DAP: variants seen among roughly 807,000 people sequenced by gnomAD.
The protein encoded by DAP is death-associated protein 1.
Under a neutral mutation model 13.8 loss-of-function variants are expected in DAP, and 8 were observed. The observed-to-expected ratio is 0.58, with a 90% confidence interval of 0.34 to 1.05. The LOEUF (loss-of-function observed/expected upper bound fraction) is 1.05, where lower values mean the gene tolerates loss of function less well. Ranked by LOEUF, DAP falls within the 50% of genes least tolerant of loss-of-function variation. DAP has a pLI of 0.03. For missense variants in DAP, 106 were observed against 133.2 expected (o/e 0.80, Z 1.01); for synonymous variants, 47 against 47.5 (o/e 0.99, Z 0.04).
rs1738636550 is a variant in DAP, at chr5:10,703,798, TG to T, written c.153-20228del. ...GTGGGGGGCACAGGGAGCCTTCCCC[TG>T]GCTGGCTGCCCAAGGACTCCAGGTA... On this transcript the variant is annotated intron_variant, in intron 2 of 3. Coordinates refer to ENST00000230895, the MANE Select transcript of DAP (RefSeq NM_004394.3). 4.6e-5 allele frequency among the ~76,000 whole-genome samples: 7 copies of T among 152,340 alleles called. No individual in the cohort carries two copies. The South Asian group carries it at 1.4e-3, about 32-fold the overall frequency.
At chr5:10,724,900 C>A (rs1394254644) in intron 2 of DAP, among the ~76,000 whole-genome samples, 15 of 150,804 alleles carry the variant, frequency 9.9e-5, no homozygotes. Context: ...GGGGGTGTAG[C>A]TCTCTACTCC....
intron 2 of DAP, among the ~76,000 whole-genome samples, chr5:10,741,559 T>C (rs749796748): frequency 6.6e-6 from 1 of 152,216 alleles, no homozygotes; most frequent in African/African-American, 2.4e-5. Context: ...TATACTGTTG[T>C]AAGTTTCTTA....
At chr5:10,685,105 CTG>C (rs1347844971) in intron 2 of DAP, among the ~76,000 whole-genome samples, 1 of 149,756 alleles carries the variant, frequency 6.7e-6, no homozygotes, top group Non-Finnish European at 1.5e-5. Context: ...AGTTCACTGA[CTG>C]TTTACTTCCC....
chr5:10,729,217 G>A (rs1465699563), intron 2 of DAP, among the ~76,000 whole-genome samples: 4 of 152,188 alleles, frequency 2.6e-5, no homozygotes, highest in African/African-American at 9.7e-5. Context: ...TAGCTACAGA[G>A]GTCATGCTCT....
At chr5:10,682,795 G>A (rs2126632926) in intron 3 of DAP, among the ~76,000 whole-genome samples, 1 of 152,354 alleles carries the variant, frequency 6.6e-6, no homozygotes, top group African/African-American at 2.4e-5. Context: ...GACTCCCACA[G>A]AACTGACTTG....
intron 2 of DAP, among the ~76,000 whole-genome samples, chr5:10,685,794 C>T (rs1210767956): frequency 6.6e-6 from 1 of 152,122 alleles, no homozygotes; most frequent in Non-Finnish European, 1.5e-5. Flanking sequence ...AAAATGTCAT[C>T]CATAGAGAGT....
intron 2 of DAP, among the ~76,000 whole-genome samples, chr5:10,740,500 T>C (rs561495411): frequency 1.2e-4 from 18 of 152,160 alleles, no homozygotes; most frequent in South Asian, 4.2e-4. Context: ...AAACACACTG[T>C]TGAAAAACAG....
At chr5:10,688,341 G>A (rs908950122) in intron 2 of DAP, among the ~76,000 whole-genome samples, 4 of 152,118 alleles carry the variant, frequency 2.6e-5, no homozygotes, top group African/African-American at 9.7e-5. Flanking sequence ...CCTCACTGAA[G>A]GCTCAGATGA....
intron 2 of DAP, among the ~76,000 whole-genome samples, chr5:10,743,852 C>T (rs1309755638): frequency 6.6e-6 from 1 of 152,190 alleles, no homozygotes; most frequent in African/African-American, 2.4e-5. Context: ...GTAACTAGAA[C>T]TCAGGTTGAC....
chr5:10,733,895 T>C (rs1027014106), intron 2 of DAP: 1 of 152,234 alleles, frequency 6.6e-6, no homozygotes, highest in Non-Finnish European at 1.5e-5. Flanking sequence ...ACAGGGCTTA[T>C]CTAGATAAAA....
chr5:10,742,154 A>C (rs1317534392), intron 2 of DAP, among the ~76,000 whole-genome samples: 3 of 152,208 alleles, frequency 2.0e-5, no homozygotes, highest in Non-Finnish European at 4.4e-5. Context: ...TTCTACAAAA[A>C]AGAGCTATCC....
At chr5:10,725,410 T>TCTGAGGCTCCTGCCC (rs1739264771) in intron 2 of DAP, among the ~76,000 whole-genome samples, 1 of 152,142 alleles carries the variant, frequency 6.6e-6, no homozygotes. Context: ...TGTTCCTGGT[T>TCTGAGGCTCCTGCCC]CTGAGGCTCC....
At chr5:10,759,077 C>T (rs9763023) in intron 1 of DAP, among the ~76,000 whole-genome samples, 32,312 of 152,032 alleles carry the variant, frequency 0.21, 3,538 homozygotes, top group Middle Eastern at 0.33. Context: ...AACCCAGCTA[C>T]TCGGGAGGCT....
intron 2 of DAP, among the ~76,000 whole-genome samples, chr5:10,684,162 T>C (rs1236325385): frequency 6.6e-6 from 1 of 152,234 alleles, no homozygotes; most frequent in Non-Finnish European, 1.5e-5. Flanking sequence ...ATTTTAACTA[T>C]GGGCAAGCCC....
intron 2 of DAP, among the ~76,000 whole-genome samples, chr5:10,704,212 A>C (rs1738646754): frequency 6.6e-6 from 1 of 152,234 alleles, no homozygotes; most frequent in Non-Finnish European, 1.5e-5. Context: ...TATAGTGAAC[A>C]GTTCTGGAGG....
intron 2 of DAP, among the ~76,000 whole-genome samples, chr5:10,695,180 C>A (rs1364799024): frequency 2.0e-5 from 3 of 152,328 alleles, no homozygotes; most frequent in Non-Finnish European, 4.4e-5. Flanking sequence ...GTGTGACAGT[C>A]GAGGCTGTCT....
chr5:10,739,201 CAAAAAAAAAAA>C (rs10644743), intron 2 of DAP, among the ~76,000 whole-genome samples: 2 of 71,604 alleles, frequency 2.8e-5, no homozygotes, highest in Non-Finnish European at 4.9e-5. Context: ...GACTCTGAAT[CAAAAAAAAAAA>C]AAAAAAAAAA....
At chr5:10,716,405 T>A (rs1223452730) in intron 2 of DAP, among the ~76,000 whole-genome samples, 5 of 152,210 alleles carry the variant, frequency 3.3e-5, no homozygotes, top group African/African-American at 9.7e-5. Flanking sequence ...GTACTGAGTG[T>A]CAACTTGATT....
At chr5:10,717,382 A>G (rs1739017653) in intron 2 of DAP, among the ~76,000 whole-genome samples, 1 of 152,204 alleles carries the variant, frequency 6.6e-6, no homozygotes, top group Non-Finnish European at 1.5e-5. Flanking sequence ...AAGTGAGGGC[A>G]TTGATTGGAA....
Sources: gnomAD v4.1 joint callset for allele counts (sites outside exome capture counted in the v4.1 genomes callset) on GRCh38, gnomAD v4.1.1 for gene constraint, MANE v1.5 for transcripts, NCBI Gene and HGNC (gene_info 2026-07-23, HGNC 2026-07-21) for gene names.